Variants in TAF4B observed in about 807,000 individuals in gnomAD.
TAF4B encodes the protein transcription initiation factor TFIID subunit 4B.
A neutral mutation model predicts 86.4 loss-of-function variants in TAF4B; 38 were observed. That is an observed-to-expected ratio of 0.44 (90% CI 0.34 to 0.58). The LOEUF is 0.58. Ranked by LOEUF, TAF4B falls within the 20% of genes least tolerant of loss-of-function variation. The pLI, the probability that TAF4B is intolerant of heterozygous loss-of-function variation, is 0.02. For synonymous variants in TAF4B, 388 were observed against 391.2 expected (o/e 0.99, Z 0.10); for missense variants, 988 against 1,027.6 (o/e 0.96, Z 0.53).
chr18:26,338,989 GTC>G (rs1426945487), intron 13 of TAF4B, among the ~76,000 whole-genome samples: 1 of 152,174 alleles, frequency 6.6e-6, no homozygotes, highest in Non-Finnish European at 1.5e-5. Flanking sequence ...CTCCAGCCTA[GTC>G]TTATTCCATT....
At chr18:26,340,335 C>T (rs1226409795) in intron 13 of TAF4B, among the ~76,000 whole-genome samples, 2 of 152,120 alleles carry the variant, frequency 1.3e-5, no homozygotes, top group Non-Finnish European at 2.9e-5. Context: ...TAAATTATAT[C>T]AATTTGTATT....
intron 1 of TAF4B, among the ~76,000 whole-genome samples, chr18:26,250,379 C>T (rs1568104292): frequency 1.3e-5 from 2 of 151,930 alleles, no homozygotes; most frequent in Non-Finnish European, 2.9e-5. Context: ...CGCCTGTAGT[C>T]CGAGCTACTC....
chr18:26,267,443 G>A, intron 2 of TAF4B, 73 bp from the exon 3 acceptor site: 1 of 968,590 alleles, frequency 1.0e-6, no homozygotes, highest in Non-Finnish European at 1.7e-6. Context: ...GTGTTCTAAT[G>A]TTCACTGCAG....
chr18:26,375,517 C>T (rs1042376550), intron 14 of TAF4B, among the ~76,000 whole-genome samples: 2 of 152,140 alleles, frequency 1.3e-5, no homozygotes, highest in African/African-American at 4.8e-5. Flanking sequence ...ACTTTTCCAT[C>T]CACAATGCAC....
intron 13 of TAF4B, among the ~76,000 whole-genome samples, chr18:26,357,183 A>G (rs563337651): frequency 6.6e-6 from 1 of 152,314 alleles, no homozygotes; most frequent in African/African-American, 2.4e-5. Flanking sequence ...GTCTCCATTA[A>G]TAAAAAGAGG....
chr18:26,339,422 C>A (rs933770216), intron 13 of TAF4B, among the ~76,000 whole-genome samples: 3 of 152,136 alleles, frequency 2.0e-5, no homozygotes, highest in African/African-American at 7.2e-5. Flanking sequence ...ACCTCCTGGG[C>A]TCAAGCGCTC....
chr18:26,335,342 C>A, intron 13 of TAF4B, 111 bp downstream of exon 13: 1 of 923,194 alleles, frequency 1.1e-6, no homozygotes, highest in Non-Finnish European at 1.7e-6. Context: ...TTTGCAGAAG[C>A]CTTGGGGAAG....
chr18:26,346,861 G>GTGTA lies in TAF4B; in HGVS notation c.2317-10828_2317-10827insGTAT, dbSNP rs1555623686. ...TGTGTGTGTGTATATATATATATGT[G>GTGTA]TATATATATATATGTGTATATATAT... On this transcript the variant is annotated intron_variant, in intron 13 of 14. Transcript: ENST00000269142. Among the ~76,000 whole-genome samples, 20 of 17,770 alleles carry GTGTA rather than the reference G, an allele frequency of 1.1e-3. 3 individuals are homozygous for GTGTA. The highest frequency in any genetic ancestry group is 9.4e-3 in the South Asian group (4 of 424). 11.7% of individuals were successfully genotyped at this position (17,770 alleles called of 152,430 possible).
intron 14 of TAF4B, among the ~76,000 whole-genome samples, chr18:26,360,136 C>T (rs1175317427): frequency 6.6e-6 from 1 of 152,138 alleles, no homozygotes; most frequent in Non-Finnish European, 1.5e-5. Flanking sequence ...TTATTTAATA[C>T]ATAAATATTA....
intron 9 of TAF4B, among the ~76,000 whole-genome samples, chr18:26,314,931 T>C (rs895363642): frequency 1.3e-5 from 2 of 152,148 alleles, no homozygotes; most frequent in Non-Finnish European, 2.9e-5. Context: ...TTACTTCTGA[T>C]TCATCCTTCT....
intron 3 of TAF4B, among the ~76,000 whole-genome samples, chr18:26,268,876 A>G (rs1419379948): frequency 2.0e-5 from 3 of 152,078 alleles, no homozygotes; most frequent in African/African-American, 4.8e-5. Context: ...AGGCTGGAGC[A>G]CTGTGGTGCA....
At chr18:26,233,037 A>T (rs2055695618) in intron 1 of TAF4B, among the ~76,000 whole-genome samples, 1 of 152,218 alleles carries the variant, frequency 6.6e-6, no homozygotes, top group African/African-American at 2.4e-5. Flanking sequence ...ACTAAGGTGC[A>T]GGTGCCTGTC....
chr18:26,358,870 C>T (rs1404542986), intron 14 of TAF4B, among the ~76,000 whole-genome samples: 2 of 152,190 alleles, frequency 1.3e-5, no homozygotes, highest in Non-Finnish European at 2.9e-5. Context: ...TACTTTGAGG[C>T]AAACTTCCTA....
At chr18:26,346,710 G>C (rs1437643418) in intron 13 of TAF4B, among the ~76,000 whole-genome samples, 3 of 116,574 alleles carry the variant, frequency 2.6e-5, no homozygotes, top group Non-Finnish European at 3.6e-5. Flanking sequence ...ATACTGAAAA[G>C]GAAAATTTTA....
chr18:26,330,817 A>G (rs779386244), intron 12 of TAF4B, among the ~76,000 whole-genome samples: 1 of 152,154 alleles, frequency 6.6e-6, no homozygotes, highest in Non-Finnish European at 1.5e-5. Context: ...TCCTTGATAT[A>G]TTTAACTTAT....
chr18:26,315,665 A>G (rs2056903931), intron 10 of TAF4B, among the ~76,000 whole-genome samples: 3 of 152,140 alleles, frequency 2.0e-5, no homozygotes, highest in Admixed American at 1.3e-4. Context: ...TATATAATAT[A>G]CTATTTTTTT....
intron 13 of TAF4B, among the ~76,000 whole-genome samples, chr18:26,355,052 T>A (rs2057276699): frequency 6.6e-6 from 1 of 152,236 alleles, no homozygotes; most frequent in African/African-American, 2.4e-5. Flanking sequence ...TTATTTATTT[T>A]TTTATTTCTT....
At chr18:26,246,404 T>C (rs1162481283) in intron 1 of TAF4B, among the ~76,000 whole-genome samples, 2 of 152,170 alleles carry the variant, frequency 1.3e-5, no homozygotes, top group Non-Finnish European at 2.9e-5. Context: ...ATAATGGGCT[T>C]GTAGGGTTGG....
chr18:26,256,382 C>T, intron 1 of TAF4B: 1 of 1,310,528 alleles, frequency 7.6e-7, no homozygotes, highest in Non-Finnish European at 1.1e-6. Flanking sequence ...AAAAGTCTTC[C>T]AAAAGCAGCC....
Sources: allele counts gnomAD v4.1 joint callset (sites outside exome capture counted in the v4.1 genomes callset), GRCh38; gene constraint gnomAD v4.1.1; transcripts MANE v1.5; gene names NCBI Gene and HGNC (gene_info 2026-07-23, HGNC 2026-07-21).